The following PRPF3 variants were observed in gnomAD, a reference collection of about 807,000 sequenced individuals.
PRPF3 encodes U4/U6 small nuclear ribonucleoprotein Prp3.
Under a neutral mutation model 89.2 loss-of-function variants are expected in PRPF3, and 3 were observed. That is an observed-to-expected ratio of 0.03 (90% confidence interval 0.02 to 0.09). PRPF3 has a LOEUF of 0.09. Among genes scored for constraint, PRPF3 ranks in the 10% least tolerant of loss-of-function variants. The pLI, the probability that PRPF3 is intolerant of heterozygous loss-of-function variation, is 1.00. For synonymous variants in PRPF3, 270 were observed against 289.1 expected, an observed-to-expected ratio of 0.93 and a Z score of 0.67; for missense variants, 463 against 828.8, an observed-to-expected ratio of 0.56 and a Z score of 5.42.
At chr1:150,342,616 G>A (rs587599047) in intron 9 of PRPF3, among the ~76,000 whole-genome samples, 2 of 151,950 alleles carry the variant, frequency 1.3e-5, no homozygotes, top group Admixed American at 6.6e-5. Context: ...TCCACCTCCC[G>A]GATTCAAGTG....
At position 150,333,855 on chromosome 1, in the gene PRPF3, T is replaced by C. The variant is rs150946142; in HGVS notation, c.728+656T>C. On this transcript the variant is annotated intron_variant, in intron 6 of 15. Transcript: ENST00000324862. The stretch of plus-strand genomic sequence containing the variant: ...GTTCCTCTGCAACTGGTCAAAGATG[T>C]TACATTTTTTTTAGCATCTACAGTT... Among the ~76,000 whole-genome samples, 96 of 152,234 alleles carry C rather than the reference T, an allele frequency of 6.3e-4. 1 individual carries two copies. The East Asian group carries it at 0.018, about 29-fold the overall frequency.
rs782615526 is a variant in PRPF3 at position 150,333,098 on chromosome 1, G to A, written c.627G>A (p.Leu209=). The A allele has an allele frequency of 5.6e-6, 9 of 1,614,100 alleles. No homozygotes were observed. The Middle Eastern group carries it at 6.6e-4, about 118-fold the overall frequency. ...AIEKARKAAE[L]QARIQAQLAL... The stretch of plus-strand genomic sequence containing the variant: ...AGAAGGCAAGGAAAGCAGCTGAACT[G>A]CAAGCTCGAATCCAAGCCCAGCTGG... Residue 209 remains leucine (L), a synonymous_variant, in exon 6 of 16, where the codon CTG becomes CTA. Transcript: ENST00000324862.
At chr1:150,345,595 C>T (rs1247492793) in intron 12 of PRPF3, 5 of 239,186 alleles carry the variant, frequency 2.1e-5, no homozygotes, top group Non-Finnish European at 4.1e-5. Context: ...GTGATCTGCC[C>T]ACTTTGGCCT....
At chr1:150,326,010 A>G (rs1282586891) in intron 3 of PRPF3, 129 bp downstream of exon 3, 10 of 1,172,418 alleles carry the variant, frequency 8.5e-6, no homozygotes, top group African/African-American at 4.6e-5. Flanking sequence ...GTACTTAGAC[A>G]TTAGAGTAGG....
intron 3 of PRPF3, among the ~76,000 whole-genome samples, chr1:150,327,128 C>T (rs950691085): frequency 2.0e-5 from 3 of 148,726 alleles, no homozygotes; most frequent in East Asian, 2.0e-4. Flanking sequence ...AGTACAGTAG[C>T]GCAATCTTGA....
At chr1:150,346,668 A>G (rs1658300127) in intron 14 of PRPF3, among the ~76,000 whole-genome samples, 177 bp downstream of exon 14, 1 of 152,174 alleles carries the variant, frequency 6.6e-6, no homozygotes, top group South Asian at 2.1e-4. Flanking sequence ...AATATTTACT[A>G]CATGATTATA....
chr1:150,348,101 G>A (rs1293773735), intron 14 of PRPF3, among the ~76,000 whole-genome samples: 1 of 152,122 alleles, frequency 6.6e-6, no homozygotes, highest in Non-Finnish European at 1.5e-5. Context: ...TCTGCAGAGA[G>A]GCCTGGTGTG....
intron 14 of PRPF3, among the ~76,000 whole-genome samples, chr1:150,347,547 T>C (rs1206142306): frequency 6.6e-6 from 1 of 151,952 alleles, no homozygotes; most frequent in African/African-American, 2.4e-5. Flanking sequence ...CTGGCCAACA[T>C]GGTGAAACCC....
Position 150,349,109 on chromosome 1 carries a change from T to G in PRPF3, c.1844-48T>G, listed in dbSNP as rs1483200445. The G allele has an allele frequency of 2.1e-6, 3 of 1,453,616 alleles. No individual in the cohort carries two copies. In the African/African-American group the frequency reaches 4.2e-5, roughly 20 times the overall value. 90.0% of individuals were successfully genotyped at this position (1,453,616 alleles called of 1,614,324 possible). On this transcript the variant is annotated intron_variant, in intron 14 of 15. Coordinates refer to ENST00000324862, the MANE Select transcript of PRPF3 (RefSeq NM_004698.4). The stretch of plus-strand genomic sequence containing the variant: ...TGGGTAGACTTGAATATTATTTGTT[T>G]AGAACCTGAATCTCAAGTCTAAGTC...
chr1:150,346,513 T>C lies in PRPF3; in HGVS notation c.1843+22T>C, dbSNP rs782689623. On this transcript the variant is annotated intron_variant, in intron 14 of 15. Transcript: ENST00000324862. The stretch of plus-strand genomic sequence containing the variant: ...GATGGTGAATGGGGGTTAGAGGGGA[T>C]TAAGGGGGAGAGCTATGGGAGGTGG... 7 of 1,592,560 alleles carry C rather than the reference T, an allele frequency of 4.4e-6. No homozygotes were observed. In the South Asian group the frequency reaches 6.6e-5, roughly 15 times the overall value.
intron 15 of PRPF3, among the ~76,000 whole-genome samples, chr1:150,349,822 TA>T (rs1658713077): frequency 6.7e-6 from 1 of 149,866 alleles, no homozygotes; most frequent in South Asian, 2.1e-4. Flanking sequence ...GAACCAGTAT[TA>T]AAACCAGTAT....
intron 4 of PRPF3, chr1:150,329,638 TTAAA>T (rs1656106958): frequency 6.6e-6 from 1 of 152,322 alleles, no homozygotes; most frequent in East Asian, 1.9e-4. Context: ...ATTGGCATTG[TTAAA>T]TAATACCACA....
chr1:150,328,370 G>A lies in PRPF3; in HGVS notation c.327G>A (p.Lys109=). 1 of 1,613,952 alleles carries A rather than the reference G, an allele frequency of 6.2e-7. No homozygotes were observed. Among genetic ancestry groups the A allele is most frequent in the African/African-American group, 1.3e-5 (1 of 74,966 alleles). The change falls in exon 4 of 16, where the codon AAG becomes AAA. Residue 109 remains lysine (K), a synonymous_variant. Coordinates refer to ENST00000324862, the MANE Select transcript of PRPF3 (RefSeq NM_004698.4). ...TCTCTAAAGAATCATCAGGAGTAAA[G>A]AAGCGACGAATACCCCGTTTTGAGG... is the stretch of plus-strand genomic sequence containing the variant. The part of the protein sequence containing the change: ...SEISKESSGV[K]KRRIPRFEEV...
intron 1 of PRPF3, among the ~76,000 whole-genome samples, chr1:150,323,496 G>C (rs587655968): frequency 1.3e-5 from 2 of 151,606 alleles, no homozygotes; most frequent in East Asian, 4.0e-4. Flanking sequence ...TTGGCCAGGC[G>C]TGGTGGTGCA....
intron 9 of PRPF3, among the ~76,000 whole-genome samples, chr1:150,341,321 A>C (rs1286660850): frequency 6.7e-6 from 1 of 150,242 alleles, no homozygotes; most frequent in African/African-American, 2.5e-5. Context: ...ATGCTCCACT[A>C]CCCACTGTGA....
intron 3 of PRPF3, chr1:150,327,630 A>T (rs587636923): frequency 3.0e-6 from 3 of 985,582 alleles, no homozygotes; most frequent in African/African-American, 1.7e-5. Context: ...TGAAGAGGGG[A>T]TGTCACCCAA....
intron 14 of PRPF3, among the ~76,000 whole-genome samples, chr1:150,347,778 G>A (rs1553873330): frequency 6.6e-6 from 1 of 151,712 alleles, no homozygotes; most frequent in African/African-American, 2.4e-5. Context: ...CATCATAACA[G>A]CCTAGCCTTC....
intron 14 of PRPF3, chr1:150,348,955 A>T: frequency 1.7e-6 from 1 of 592,388 alleles, no homozygotes; most frequent in Non-Finnish European, 3.0e-6. Flanking sequence ...TGCTATGTAA[A>T]TGCTAATTGT....
intron 7 of PRPF3, among the ~76,000 whole-genome samples, chr1:150,335,933 G>T (rs996519687): frequency 6.6e-6 from 1 of 151,770 alleles, no homozygotes; most frequent in Non-Finnish European, 1.5e-5. Context: ...CATGCCTGAC[G>T]AATTTTTTGT....
Sources: allele counts gnomAD v4.1 joint callset (sites outside exome capture counted in the v4.1 genomes callset), GRCh38; gene constraint gnomAD v4.1.1; transcripts MANE v1.5; gene names NCBI Gene and HGNC (gene_info 2026-07-23, HGNC 2026-07-21).